SPOCK3: variants seen among roughly 807,000 people sequenced by gnomAD.
The protein encoded by SPOCK3 is testican-3.
In SPOCK3, 30 loss-of-function variants were observed where a neutral mutation model predicts 56.6. The observed-to-expected ratio is 0.53, with a 90% CI of 0.40 to 0.72. The LOEUF (loss-of-function observed/expected upper bound fraction) is 0.72. Among genes scored for constraint, SPOCK3 ranks in the 30% least tolerant of loss-of-function variants. The probability of loss-of-function intolerance (pLI) is 0.00; values close to 1 mark genes in which losing one functional copy is unlikely to be tolerated. For missense variants in SPOCK3, 527 were observed against 530.0 expected (o/e 0.99, Z 0.06); for synonymous variants, 196 against 183.3 (o/e 1.07, Z -0.56).
At chr4:166,922,909 C>T (rs1738659525) in intron 4 of SPOCK3, among the ~76,000 whole-genome samples, 1 of 152,178 alleles carries the variant, frequency 6.6e-6, no homozygotes, top group Admixed American at 6.5e-5. Flanking sequence ...GATCACACTT[C>T]CAGAAATACA....
intron 4 of SPOCK3, among the ~76,000 whole-genome samples, chr4:166,935,345 C>T (rs1740287141): frequency 6.6e-6 from 1 of 152,168 alleles, no homozygotes; most frequent in Non-Finnish European, 1.5e-5. Flanking sequence ...TTCTCAATTG[C>T]AGTCCAACGG....
At chr4:166,884,348 T>TAA (rs1214352184) in intron 6 of SPOCK3, among the ~76,000 whole-genome samples, 2 of 147,780 alleles carry the variant, frequency 1.4e-5, no homozygotes, top group Non-Finnish European at 3.0e-5. Context: ...CGAGACTCCA[T>TAA]CTCAACAACA....
At chr4:166,939,354 T>A (rs1740799401) in intron 4 of SPOCK3, among the ~76,000 whole-genome samples, 1 of 152,096 alleles carries the variant, frequency 6.6e-6, no homozygotes, top group Admixed American at 6.6e-5. Context: ...CAAAATAAGC[T>A]ATACAAGATG....
chr4:167,070,949 G>T (rs1756614731), intron 2 of SPOCK3, among the ~76,000 whole-genome samples: 1 of 151,916 alleles, frequency 6.6e-6, no homozygotes, highest in African/African-American at 2.4e-5. Context: ...AATCCTGAAA[G>T]AATTCATTTA....
chr4:166,867,834 C>T (rs1050323992), intron 6 of SPOCK3, among the ~76,000 whole-genome samples: 1 of 151,606 alleles, frequency 6.6e-6, no homozygotes, highest in African/African-American at 2.4e-5. Flanking sequence ...TTGAGAAACA[C>T]ATTATGTTGA....
At chr4:167,163,931 CA>C (rs1427336652) in intron 2 of SPOCK3, among the ~76,000 whole-genome samples, 1 of 152,018 alleles carries the variant, frequency 6.6e-6, no homozygotes, top group Non-Finnish European at 1.5e-5. Context: ...TATAGCTTAT[CA>C]ATTATAGTCT....
intron 3 of SPOCK3, among the ~76,000 whole-genome samples, chr4:167,030,375 T>G (rs1203524987): frequency 6.6e-6 from 1 of 152,126 alleles, no homozygotes; most frequent in Non-Finnish European, 1.5e-5. Context: ...TTTGTTCAAT[T>G]GCTTGTGCTG....
chr4:167,169,831 C>G (rs975299482), intron 2 of SPOCK3, among the ~76,000 whole-genome samples: 4 of 152,060 alleles, frequency 2.6e-5, no homozygotes, highest in Non-Finnish European at 5.9e-5. Flanking sequence ...ATAAATGAAT[C>G]ATGAGGTGGT....
Position 166,792,837 on chromosome 4 carries a change from A to G in SPOCK3, c.590-548T>C, listed in dbSNP as rs978266669. 2.0e-5 allele frequency among the ~76,000 whole-genome samples: 3 copies of G among 151,934 alleles called. No homozygotes were observed. The East Asian group carries it at 5.8e-4, about 29-fold the overall frequency. The stretch of plus-strand genomic sequence containing the variant: ...CTATATAACTTGTGATTAGGAAAAA[A>G]CTATAAAATATTTAAGAAAGTACTA... On this transcript the variant is annotated intron_variant, in intron 6 of 10. Coordinates refer to ENST00000357545, the MANE Select transcript of SPOCK3 (RefSeq NM_001040159.2).
intron 4 of SPOCK3, among the ~76,000 whole-genome samples, chr4:166,953,553 A>G (rs2150042350): frequency 6.6e-6 from 1 of 152,190 alleles, no homozygotes; most frequent in South Asian, 2.1e-4. Flanking sequence ...TAGAACTAGA[A>G]ATACCATTTG....
chr4:167,150,921 G>A (rs1426256729), intron 2 of SPOCK3, among the ~76,000 whole-genome samples: 2 of 152,084 alleles, frequency 1.3e-5, no homozygotes, highest in Non-Finnish European at 1.5e-5. Flanking sequence ...TGATAAGCAT[G>A]TCCTTTATTT....
chr4:166,823,111 G>C (rs926693682), intron 6 of SPOCK3, among the ~76,000 whole-genome samples: 1 of 151,942 alleles, frequency 6.6e-6, no homozygotes, highest in Admixed American at 6.6e-5. Flanking sequence ...TTCCGAAAAG[G>C]TTTCTTATTT....
chr4:166,779,585 A>G (rs1026285914), intron 7 of SPOCK3, among the ~76,000 whole-genome samples: 5 of 152,134 alleles, frequency 3.3e-5, no homozygotes, highest in Admixed American at 6.6e-5. Context: ...TTTGAAAAAA[A>G]AGAAAAAGAT....
Position 167,189,455 on chromosome 4 carries a change from A to G in SPOCK3, c.189+44530T>C, listed in dbSNP as rs368864412. Reference sequence around the variant, plus strand: ...TTATAAACTTTTAAAGGCATTCATCAGTCCAAAAAAAATTTATTATTTTTT... The same window carrying G: ...TTATAAACTTTTAAAGGCATTCATCGGTCCAAAAAAAATTTATTATTTTTT... On this transcript the variant is annotated intron_variant, in intron 2 of 10. Transcript: ENST00000357545. Among the ~76,000 whole-genome samples, 106 of 145,982 alleles carry G rather than the reference A, an allele frequency of 7.3e-4. 19 individuals are homozygous for G. The East Asian group carries it at 8.6e-3, about 12-fold the overall frequency.
At chr4:167,201,983 A>T (rs1733561030) in intron 2 of SPOCK3, among the ~76,000 whole-genome samples, 1 of 151,980 alleles carries the variant, frequency 6.6e-6, no homozygotes, top group South Asian at 2.1e-4. Flanking sequence ...GTTCACCTTC[A>T]TGACATTTAA....
At chr4:167,021,715 A>G (rs185537709) in intron 3 of SPOCK3, among the ~76,000 whole-genome samples, 2 of 152,046 alleles carry the variant, frequency 1.3e-5, no homozygotes, top group Admixed American at 1.3e-4. Flanking sequence ...CCATATCTAT[A>G]CAAAAAAAAG....
chr4:166,815,169 T>C (rs1744252959), intron 6 of SPOCK3, among the ~76,000 whole-genome samples: 1 of 152,076 alleles, frequency 6.6e-6, no homozygotes, highest in South Asian at 2.1e-4. Context: ...TTTTTTCTTT[T>C]TCAAAACTAA....
intron 8 of SPOCK3, among the ~76,000 whole-genome samples, chr4:166,744,074 A>G (rs1354735604): frequency 6.6e-6 from 1 of 152,176 alleles, no homozygotes; most frequent in Non-Finnish European, 1.5e-5. Flanking sequence ...GCAGACTTAA[A>G]CGTCCCTGTC....
At chr4:167,107,047 T>G (rs539798676) in intron 2 of SPOCK3, among the ~76,000 whole-genome samples, 52 of 151,894 alleles carry the variant, frequency 3.4e-4, no homozygotes, top group Admixed American at 2.0e-3. Flanking sequence ...CAGGACCCAC[T>G]GGCTTCACTG....
Sources: gnomAD v4.1 joint callset for allele counts (sites outside exome capture counted in the v4.1 genomes callset) on GRCh38, gnomAD v4.1.1 for gene constraint, MANE v1.5 for transcripts, NCBI Gene and HGNC (gene_info 2026-07-23, HGNC 2026-07-21) for gene names.